Variants in SPATA22 observed in about 807,000 individuals in gnomAD.
SPATA22 encodes spermatogenesis-associated protein 22.
SPATA22 carries 29 observed loss-of-function variants against 47.8 expected under a neutral mutation model. That is an observed-to-expected ratio of 0.61 (90% CI 0.45 to 0.83). The LOEUF (loss-of-function observed/expected upper bound fraction) is 0.83. Ranked by LOEUF, SPATA22 falls within the 40% of genes least tolerant of loss-of-function variation. The pLI, the probability that SPATA22 is intolerant of heterozygous loss-of-function variation, is 0.00. For synonymous variants in SPATA22, 133 were observed against 140.9 expected, an observed-to-expected ratio of 0.94 and a Z score of 0.40; for missense variants, 410 against 421.7, an observed-to-expected ratio of 0.97 and a Z score of 0.24.
chr17:3,486,554 C>G (rs1309235357), intron 1 of SPATA22, among the ~76,000 whole-genome samples: 1 of 152,194 alleles, frequency 6.6e-6, no homozygotes, highest in African/African-American at 2.4e-5. Context: ...TGCAGCCCCA[C>G]ACTCTCACAC....
intron 1 of SPATA22, among the ~76,000 whole-genome samples, chr17:3,508,752 G>A (rs1351968870): frequency 9.5e-6 from 1 of 105,706 alleles, no homozygotes; most frequent in African/African-American, 3.7e-5. Flanking sequence ...GACTGTTGTG[G>A]GGTGGGGGGA....
intron 7 of SPATA22, among the ~76,000 whole-genome samples, 180 bp from the exon 8 acceptor site, chr17:3,443,451 A>G (rs1248294365): frequency 6.6e-6 from 1 of 152,018 alleles, no homozygotes; most frequent in African/African-American, 2.4e-5. Flanking sequence ...ATAGGTAGGA[A>G]AACAAAACTT....
rs550171955 is a variant in SPATA22, at chr17:3,468,957, C to T, written c.43+326G>A. ...GCTATTAGAAAGACAGAAGTGCTTC[C>T]GGAAATATTTTTAACAAGTAAGTCA... On this transcript the variant is annotated intron_variant, in intron 2 of 8. Transcript: ENST00000572969. 55 of 497,398 alleles carry T rather than the reference C, an allele frequency of 1.1e-4. No homozygotes were observed. In the East Asian group the frequency reaches 3.4e-3, roughly 31 times the overall value. The allele number at this position is 497,398 out of a possible 1,614,324, so 30.8% of individuals were successfully genotyped here. A position where few individuals can be genotyped will look rare whatever the true frequency, so the allele number is the denominator to read the frequency against.
Position 3,470,017 on chromosome 17 carries a change from C to T in SPATA22, c.-73-619G>A, listed in dbSNP as rs749219800. On this transcript the variant is annotated intron_variant, in intron 1 of 8. Coordinates refer to ENST00000572969, the MANE Select transcript of SPATA22 (RefSeq NM_001170698.2). ...CCGAGGCAGGAGAATCGCTTGAGCC[C>T]GAGAGGCCGAGGTTGCAGTGAGCTG... Among the ~76,000 whole-genome samples the T allele has an allele frequency of 2.9e-5, 4 of 138,262 alleles. No homozygotes were observed. In the Admixed American group the frequency reaches 3.4e-4, roughly 12 times the overall value. 90.7% of individuals were successfully genotyped at this position (138,262 alleles called of 152,430 possible).
At position 3,448,873 on chromosome 17, in the gene SPATA22, G is replaced by C; in HGVS notation, c.606C>G (p.Pro202=). The C allele has an allele frequency of 6.2e-7, 1 of 1,613,098 alleles. No individual in the cohort carries two copies. Among genetic ancestry groups the C allele is most frequent in the East Asian group, 2.2e-5 (1 of 44,838 alleles). The change falls in exon 6 of 9, where the codon CCC becomes CCG. Residue 202 remains proline, a synonymous_variant. Transcript: ENST00000572969. The part of the protein sequence containing the change: ...DKNSALQTLK[P]NFQQNQYKKQ... Reference sequence around the variant, plus strand: ...TCTTATATTGATTTTGTTGAAAATTGGGCTTAAGTGTCTGTAGTGCACTGT... The same window carrying C: ...TCTTATATTGATTTTGTTGAAAATTCGGCTTAAGTGTCTGTAGTGCACTGT...
intron 1 of SPATA22, among the ~76,000 whole-genome samples, chr17:3,506,967 A>G (rs1318449242): frequency 4.0e-5 from 5 of 126,556 alleles, no homozygotes; most frequent in South Asian, 6.5e-4. Flanking sequence ...AGAGAGAGAA[A>G]GAGAGAGAGA....
At chr17:3,494,555 C>A in intron 1 of SPATA22, 1 of 994,536 alleles carries the variant, frequency 1.0e-6, no homozygotes, top group Non-Finnish European at 1.6e-6. Flanking sequence ...TACATTCGCC[C>A]ATTTGATGCT....
chr17:3,470,227 G>C (rs939898613), intron 1 of SPATA22, among the ~76,000 whole-genome samples: 2 of 150,978 alleles, frequency 1.3e-5, no homozygotes, highest in Admixed American at 6.6e-5. Context: ...TTTTACAATA[G>C]AATTTCTCTT....
At position 3,508,542 on chromosome 17, in the gene SPATA22, C is replaced by T. The variant is rs570051648; in HGVS notation, c.-74+4870G>A. Among the ~76,000 whole-genome samples, 560 of 144,158 alleles carry T rather than the reference C, an allele frequency of 3.9e-3. 17 individuals are homozygous for T. The highest frequency in any genetic ancestry group is 0.034 in the Admixed American group (485 of 14,194). 94.6% of individuals were successfully genotyped at this position (144,158 alleles called of 152,430 possible). On this transcript the variant is annotated intron_variant, in intron 1 of 8. Transcript: ENST00000541913. Reference sequence around the variant, plus strand: ...TAGACTGGATAAAGAAAATGTGGCACATATACACCATGGAATACTATGCAG... The same window carrying T: ...TAGACTGGATAAAGAAAATGTGGCATATATACACCATGGAATACTATGCAG...
chr17:3,459,125 G>A (rs148131467), intron 5 of SPATA22, among the ~76,000 whole-genome samples: 113 of 152,126 alleles, frequency 7.4e-4, no homozygotes, highest in African/African-American at 2.6e-3. Flanking sequence ...GTGAAGAGGT[G>A]GGAGAAATAA....
intron 1 of SPATA22, among the ~76,000 whole-genome samples, chr17:3,484,849 CCTAA>C (rs911945557): frequency 3.9e-5 from 6 of 152,116 alleles, no homozygotes; most frequent in African/African-American, 1.4e-4. Context: ...GCCCCAAACC[CCTAA>C]CTGATGACAT....
At position 3,446,466 on chromosome 17, in the gene SPATA22, A is replaced by G. The variant is rs1441991353; in HGVS notation, c.802+6T>C. 6.3e-7 allele frequency: 1 copy of G among 1,599,874 alleles called. No homozygotes were observed. Among genetic ancestry groups the G allele is most frequent in the East Asian group, 2.3e-5 (1 of 44,418 alleles). ...TACTGAAGTATTTTTAAAGTATTTT[A>G]CCTACCTAATACTTCAAAAAGAAGT... On this transcript the variant is annotated splice_donor_region_variant and intron_variant, in intron 7 of 8. Coordinates refer to ENST00000572969, the MANE Select transcript of SPATA22 (RefSeq NM_001170698.2).
At chr17:3,510,085 G>A (rs931174314) in intron 1 of SPATA22, among the ~76,000 whole-genome samples, 6 of 152,052 alleles carry the variant, frequency 3.9e-5, no homozygotes, top group African/African-American at 1.4e-4. Flanking sequence ...TGGGTAGATG[G>A]CAAAAATTTT....
rs1276384950 is a variant in SPATA22 at position 3,485,142 on chromosome 17, C to G, written c.-73-15744G>C. Among the ~76,000 whole-genome samples, 1 of 152,116 alleles carries G rather than the reference C, an allele frequency of 6.6e-6. No individual in the cohort carries two copies. The highest frequency in any genetic ancestry group is 1.5e-5 in the Non-Finnish European group (1 of 68,020). On this transcript the variant is annotated intron_variant, in intron 1 of 8. Transcript: ENST00000541913. The surrounding 1 kb of genome is among the most constrained non-coding windows in gnomAD (Gnocchi z 4.4). ...CAGGCAATCCTCCCATCTCAGCCTC[C>G]CAAGTAGCTTGAACTACAGGCACGT...
Position 3,491,750 on chromosome 17 carries a change from A to G in SPATA22, c.-74+21662T>C, listed in dbSNP as rs532082955. 7.1e-3 allele frequency among the ~76,000 whole-genome samples: 1,081 copies of G among 151,620 alleles called. 15 individuals carry two copies. Among genetic ancestry groups the G allele is most frequent in the African/African-American group, 0.024 (984 of 41,104 alleles). ...GTGACAGAGTGAGACTGTCTCAAAA[A>G]AAAAAAAGAAAGAAAGAAAGAAGTC... On this transcript the variant is annotated intron_variant, in intron 1 of 8. Coordinates refer to the SPATA22 transcript ENST00000541913.
rs1395402673 is a variant in SPATA22 at position 3,485,670 on chromosome 17, C to T, written c.-73-16272G>A. On this transcript the variant is annotated intron_variant, in intron 1 of 8. Coordinates refer to the SPATA22 transcript ENST00000541913. This position sits in a 1 kb window ranked among gnomAD's most constrained non-coding sequence, Gnocchi z 4.4. ...CCAGTGACCTACTCCAGGTTGTTTT[C>T]TGACCCTCTCCTTATCAAGACCTGT... Among the ~76,000 whole-genome samples, 1 of 152,230 alleles carries T rather than the reference C, an allele frequency of 6.6e-6. No individual in the cohort carries two copies. The highest frequency in any genetic ancestry group is 1.5e-5 in the Non-Finnish European group (1 of 68,044).
At chr17:3,459,240 CA>C (rs1310538888) in intron 5 of SPATA22, among the ~76,000 whole-genome samples, 1 of 151,984 alleles carries the variant, frequency 6.6e-6, no homozygotes, top group Non-Finnish European at 1.5e-5. Context: ...CTGTGTTATA[CA>C]GATGAAAATC....
Position 3,448,914 on chromosome 17 carries a change from T to C in SPATA22, c.565A>G (p.Arg189Gly), listed in dbSNP as rs779256490. Residue 189 changes from arginine to glycine, a missense_variant, in exon 6 of 9, where the codon AGA (arginine) becomes GGA (glycine). Transcript: ENST00000572969. ...AGTGCACTGTTTTTGTCTAGCCCTC[T>C]CATTGTGCAGCCAGATATTTTTGAT... ...HSSKISGCTM[R>G]GLDKNSALQT... The C allele has an allele frequency of 2.5e-6, 4 of 1,614,118 alleles. No homozygotes were observed. Among genetic ancestry groups the C allele is most frequent in the Non-Finnish European group, 3.4e-6 (4 of 1,179,990 alleles).
chr17:3,465,370 G>C (rs1416881734), intron 3 of SPATA22, among the ~76,000 whole-genome samples: 1 of 151,958 alleles, frequency 6.6e-6, no homozygotes, highest in African/African-American at 2.4e-5. Context: ...TGAGAAATCG[G>C]ATGGTTGCCG....
Sources: allele counts gnomAD v4.1 joint callset (sites outside exome capture counted in the v4.1 genomes callset), GRCh38; gene constraint gnomAD v4.1.1; non-coding constraint Gnocchi (gnomAD v3.1); transcripts MANE v1.5; gene names NCBI Gene and HGNC (gene_info 2026-07-23, HGNC 2026-07-21).